The following LMX1B variants were observed in gnomAD, a reference collection of about 807,000 sequenced individuals.
LMX1B encodes LIM homeobox transcription factor 1-beta.
In LMX1B, 12 loss-of-function variants were observed where a neutral mutation model predicts 51.4. The observed-to-expected ratio is 0.23, with a 90% CI of 0.15 to 0.38. LMX1B has a LOEUF of 0.38. Ranked by LOEUF, LMX1B falls within the 10% of genes least tolerant of loss-of-function variation. The pLI is 1.00. For synonymous variants in LMX1B, 237 were observed against 235.4 expected, an observed-to-expected ratio of 1.01 and a Z score of -0.06; for missense variants, 445 against 571.1, an observed-to-expected ratio of 0.78 and a Z score of 2.25.
Position 126,625,326 on chromosome 9 carries a change from A to ACAGTG in LMX1B, c.326+9758_326+9762dup, listed in dbSNP as rs1272927237. Among the ~76,000 whole-genome samples the ACAGTG allele has an allele frequency of 3.9e-5, 6 of 152,046 alleles. No individual in the cohort carries two copies. Among genetic ancestry groups the ACAGTG allele is most frequent in the Admixed American group, 3.9e-4 (6 of 15,272 alleles). On this transcript the variant is annotated intron_variant, in intron 2 of 7. Coordinates refer to ENST00000373474, the MANE Select transcript of LMX1B (RefSeq NM_001174147.2). The surrounding 1 kb of genome is among the most constrained non-coding windows in gnomAD (Gnocchi z 5.3). The stretch of plus-strand genomic sequence containing the variant: ...AATTGGCAGCGTCTGGAAAATGGGG[A>ACAGTG]CAGTGACCCCACGACTAGAGGATGA...
intron 2 of LMX1B, among the ~76,000 whole-genome samples, chr9:126,682,565 T>G (rs1260483311): frequency 6.6e-6 from 1 of 152,190 alleles, no homozygotes. Flanking sequence ...TAGCCCCGCC[T>G]CCAGACAGCG....
intron 4 of LMX1B, 21 bp from the exon 5 acceptor site, chr9:126,693,503 G>C: frequency 6.2e-7 from 1 of 1,613,154 alleles, no homozygotes; most frequent in Non-Finnish European, 8.5e-7. Context: ...GGCCTGACCT[G>C]TTCCCCTCTC....
chr9:126,663,567 G>A (rs12340247), intron 2 of LMX1B, among the ~76,000 whole-genome samples: 13,591 of 152,234 alleles, frequency 0.089, 2,055 homozygotes, highest in African/African-American at 0.31. Flanking sequence ...TATAAAATGC[G>A]GATAATAGTA....
chr9:126,668,056 A>G (rs1469426884), intron 2 of LMX1B, among the ~76,000 whole-genome samples: 3 of 152,068 alleles, frequency 2.0e-5, no homozygotes, highest in African/African-American at 4.8e-5. Context: ...AGGGAAGGTG[A>G]GAGGGGGGCA....
At chr9:126,636,280 T>C (rs79567014) in intron 2 of LMX1B, among the ~76,000 whole-genome samples, 4,900 of 152,180 alleles carry the variant, frequency 0.032, 103 homozygotes, top group Non-Finnish European at 0.046. Context: ...TCCCAGAGGA[T>C]AGGGCTCCTC....
At position 126,641,623 on chromosome 9, in the gene LMX1B, C is replaced by A. The variant is rs1254982209; in HGVS notation, c.326+26054C>A. On this transcript the variant is annotated intron_variant, in intron 2 of 7. Coordinates refer to ENST00000373474, the MANE Select transcript of LMX1B (RefSeq NM_001174147.2). This position sits in a 1 kb window ranked among gnomAD's most constrained non-coding sequence, Gnocchi z 4.1. ...CACCTCCCGCTTCTGTTCAGCAGCT[C>A]AAGTTTCTGTCCTTGAGCCAGTCCC... Among the ~76,000 whole-genome samples the A allele has an allele frequency of 6.6e-6, 1 of 152,140 alleles. No homozygotes were observed. The highest frequency in any genetic ancestry group is 1.5e-5 in the Non-Finnish European group (1 of 68,028).
intron 2 of LMX1B, among the ~76,000 whole-genome samples, chr9:126,670,659 A>G (rs532188419): frequency 1.3e-5 from 2 of 152,274 alleles, no homozygotes; most frequent in South Asian, 4.2e-4. Context: ...GGCACATGCA[A>G]TACAGGTATG....
rs1836467461 is a variant in LMX1B at position 126,671,919 on chromosome 9, T to G, written c.327-18917T>G. Among the ~76,000 whole-genome samples, 1 of 152,232 alleles carries G rather than the reference T, an allele frequency of 6.6e-6. No individual in the cohort carries two copies. Among genetic ancestry groups the G allele is most frequent in the African/African-American group, 2.4e-5 (1 of 41,474 alleles). On this transcript the variant is annotated intron_variant, in intron 2 of 7. Coordinates refer to ENST00000373474, the MANE Select transcript of LMX1B (RefSeq NM_001174147.2). This position sits in a 1 kb window ranked among gnomAD's most constrained non-coding sequence, Gnocchi z 4.4. The stretch of plus-strand genomic sequence containing the variant: ...GAGGTCGGCATTCTCCACCACCCCC[T>G]TCTCCTGGACTGGGGCTTCCAAGTA...
intron 2 of LMX1B, among the ~76,000 whole-genome samples, chr9:126,616,924 C>T (rs1261198028): frequency 6.6e-6 from 1 of 152,172 alleles, no homozygotes; most frequent in Non-Finnish European, 1.5e-5. Context: ...GCTGAGGGAT[C>T]TTTGGGTAGG....
chr9:126,682,912 AAAAG>A (rs998500102), intron 2 of LMX1B, among the ~76,000 whole-genome samples: 25 of 148,656 alleles, frequency 1.7e-4, no homozygotes, highest in East Asian at 3.9e-4. Flanking sequence ...AAAAAAAAAA[AAAAG>A]AAAGAAAGAA....
intron 3 of LMX1B, 118 bp from the exon 4 acceptor site, chr9:126,693,024 C>T (rs1588306809): frequency 1.0e-5 from 11 of 1,085,788 alleles, no homozygotes; most frequent in East Asian, 5.2e-5. Context: ...TGGGGAGCCA[C>T]GGCAGGTGTC....
At chr9:126,653,846 A>G (rs914978454) in intron 2 of LMX1B, among the ~76,000 whole-genome samples, 3 of 151,988 alleles carry the variant, frequency 2.0e-5, no homozygotes, top group African/African-American at 7.3e-5. Flanking sequence ...GCTGAACATT[A>G]GGACGTTGTC....
intron 2 of LMX1B, among the ~76,000 whole-genome samples, chr9:126,689,722 G>T (rs904311787): frequency 3.2e-5 from 4 of 125,300 alleles, no homozygotes; most frequent in African/African-American, 1.0e-4. Context: ...CTGCAGAGAT[G>T]ATGGGAGATG....
chr9:126,620,520 T>C (rs1835390170), intron 2 of LMX1B, among the ~76,000 whole-genome samples: 2 of 152,152 alleles, frequency 1.3e-5, no homozygotes. Context: ...AACCTGATTG[T>C]GTGGGTGCGC....
rs1298102561 is a variant in LMX1B at position 126,700,126 on chromosome 9, C to T, written c.*3675C>T. 6.6e-6 allele frequency: 1 copy of T among 152,248 alleles called. No homozygotes were observed. The highest frequency in any genetic ancestry group is 1.5e-5 in the Non-Finnish European group (1 of 68,062). The allele number at this position is 152,248 out of a possible 1,614,324, so 9.4% of individuals were successfully genotyped here. A position where few individuals can be genotyped will look rare whatever the true frequency, so the allele number is the denominator to read the frequency against. ...CCAGCCAGAGCCTCATCTGCCTACTCCGTGAAGCCTCCCAGGTACTCTGCT... is the reference window on the plus strand; with the variant it reads ...CCAGCCAGAGCCTCATCTGCCTACTTCGTGAAGCCTCCCAGGTACTCTGCT... On this transcript the variant is annotated 3_prime_UTR_variant, in exon 8 of 8. Transcript: ENST00000373474.
In LMX1B at chr9:126,693,177, G is replaced by C; in HGVS notation, c.595G>C (p.Ala199Pro). 1 of 1,599,446 alleles carries C rather than the reference G, an allele frequency of 6.3e-7. No individual in the cohort carries two copies. The highest frequency in any genetic ancestry group is 8.5e-7 in the Non-Finnish European group (1 of 1,173,580). ...SEDEDGDMKPAKGQGSQSKGS... is the reference protein window; with the variant it reads ...SEDEDGDMKPPKGQGSQSKGS... ...GGATGAAGATGGGGACATGAAGCCG[G>C]CCAAGGGGCAGGGCAGTCAGAGCAA... Residue 199 changes from alanine (A) to proline (P), a missense_variant, in exon 4 of 8, where the codon GCC becomes CCC. Ala to Pro is a conservative substitution (Grantham distance 27). Coordinates refer to ENST00000373474, the MANE Select transcript of LMX1B (RefSeq NM_001174147.2).
intron 2 of LMX1B, among the ~76,000 whole-genome samples, chr9:126,647,201 A>G (rs1236579925): frequency 6.6e-6 from 1 of 152,022 alleles, no homozygotes; most frequent in Non-Finnish European, 1.5e-5. Flanking sequence ...CAACAGAGTG[A>G]GACTCCATCT....
intron 2 of LMX1B, among the ~76,000 whole-genome samples, chr9:126,630,105 T>G: frequency 7.3e-6 from 1 of 137,834 alleles, no homozygotes; most frequent in Non-Finnish European, 1.5e-5. Context: ...GAGCTTGCAG[T>G]GAGCCGAGAT....
chr9:126,647,112 G>A (rs1198264049), intron 2 of LMX1B, among the ~76,000 whole-genome samples: 3 of 152,070 alleles, frequency 2.0e-5, no homozygotes, highest in Admixed American at 6.5e-5. Flanking sequence ...ACAGGCTGGC[G>A]GATCGCTTGA....
Sources: gnomAD v4.1 joint callset for allele counts (sites outside exome capture counted in the v4.1 genomes callset) on GRCh38, gnomAD v4.1.1 for gene constraint, Gnocchi (gnomAD v3.1) non-coding constraint, MANE v1.5 for transcripts, NCBI Gene and HGNC (gene_info 2026-07-23, HGNC 2026-07-21) for gene names.